PLCZ1: variants seen among roughly 807,000 people sequenced by gnomAD.
PLCZ1 encodes the protein phospholipase C zeta 1, also known as 1-phosphatidylinositol 4,5-bisphosphate phosphodiesterase zeta-1.
In PLCZ1, 64 loss-of-function variants were observed where a neutral mutation model predicts 76.8. The observed-to-expected ratio is 0.83, with a 90% CI of 0.68 to 1.03. PLCZ1 has a LOEUF of 1.03. PLCZ1 is among the 50% of genes least tolerant of loss of function. PLCZ1 has a pLI of 0.00. For missense variants in PLCZ1, 751 were observed against 713.7 expected, an observed-to-expected ratio of 1.05 and a Z score of -0.60; for synonymous variants, 248 against 230.8, an observed-to-expected ratio of 1.07 and a Z score of -0.68.
chr12:18,684,296 G>C lies in PLCZ1; in HGVS notation c.1592-17C>G. On this transcript the variant is annotated splice_polypyrimidine_tract_variant and intron_variant, in intron 13 of 14. Coordinates refer to ENST00000266505, the MANE Select transcript of PLCZ1 (RefSeq NM_033123.4). ...GACTAAAAGCTGAAATATAAAAAAAGAAGATACAAAGAATAATAGATACCA... is the reference window on the plus strand; with the variant it reads ...GACTAAAAGCTGAAATATAAAAAAACAAGATACAAAGAATAATAGATACCA... 6.3e-7 allele frequency: 1 copy of C among 1,588,418 alleles called. No individual in the cohort carries two copies.
chr12:18,672,156 T>C, the PLCZ1 span, among the ~76,000 whole-genome samples: 1 of 152,192 alleles, frequency 6.6e-6, no homozygotes, highest in Non-Finnish European at 1.5e-5. Flanking sequence ...TGGATCATGT[T>C]TTATGGCTTT....
intron 6 of PLCZ1, among the ~76,000 whole-genome samples, chr12:18,705,931 T>C (rs145223980): frequency 0.014 from 2,016 of 145,200 alleles, 61 homozygotes; most frequent in African/African-American, 0.05. Context: ...TATAGACCAA[T>C]TAAGAAGAAG....
chr12:18,709,456 C>A (rs1252413678), intron 6 of PLCZ1, among the ~76,000 whole-genome samples: 12 of 152,082 alleles, frequency 7.9e-5, no homozygotes, highest in Non-Finnish European at 1.5e-5. Flanking sequence ...AGTGTGATGC[C>A]TCCAACTTTG....
the PLCZ1 span, among the ~76,000 whole-genome samples, chr12:18,664,828 C>T: frequency 0.39 from 58,755 of 150,276 alleles, 13,576 homozygotes; most frequent in South Asian, 0.59. Flanking sequence ...TATGCAGCCA[C>T]AAAAAATGAT....
intron 13 of PLCZ1, among the ~76,000 whole-genome samples, chr12:18,686,566 A>G (rs1169391285): frequency 6.6e-6 from 1 of 152,048 alleles, no homozygotes; most frequent in East Asian, 1.9e-4. Context: ...TAAGACTTAT[A>G]TTATGGCTTC....
chr12:18,697,442 C>T (rs1290479653), intron 10 of PLCZ1, among the ~76,000 whole-genome samples: 1 of 152,138 alleles, frequency 6.6e-6, no homozygotes, highest in Non-Finnish European at 1.5e-5. Context: ...AACACATACT[C>T]TTCTGAGTCT....
the PLCZ1 span, among the ~76,000 whole-genome samples, chr12:18,647,248 GT>G: frequency 6.6e-6 from 1 of 152,006 alleles, no homozygotes; most frequent in Non-Finnish European, 1.5e-5. Context: ...AAATTGGTCT[GT>G]TTCATGGCCA....
At chr12:18,651,644 C>T in the PLCZ1 span, among the ~76,000 whole-genome samples, 2 of 152,246 alleles carry the variant, frequency 1.3e-5, no homozygotes, top group East Asian at 3.9e-4. Context: ...AGTCTAGGTA[C>T]CTAAGGACCT....
intron 5 of PLCZ1, chr12:18,713,608 G>A (rs1221726014): frequency 6.6e-6 from 1 of 152,386 alleles, no homozygotes; most frequent in Non-Finnish European, 1.5e-5. Flanking sequence ...TTAACATAAG[G>A]CCATCTCTAA....
chr12:18,676,161 C>T, the PLCZ1 span, among the ~76,000 whole-genome samples: 1 of 152,040 alleles, frequency 6.6e-6, no homozygotes, highest in Non-Finnish European at 1.5e-5. Flanking sequence ...AGAAAATGGA[C>T]CCAAAACTGA....
the PLCZ1 span, among the ~76,000 whole-genome samples, chr12:18,662,671 A>C: frequency 1.3e-5 from 2 of 152,260 alleles, no homozygotes; most frequent in East Asian, 3.9e-4. Flanking sequence ...ATCTGGACCC[A>C]CAATGTGGAA....
rs1444213575 is a variant in PLCZ1 at position 18,715,180 on chromosome 12, G to GC, written c.570-2195_570-2194insG. On this transcript the variant is annotated intron_variant, in intron 5 of 14. Transcript: ENST00000266505. ...GAGAGAAAGGCGGTGGGGGGGGGGG[G>GC]GGCGGAGGGAGGGAGAGAGAGAGAG... Among the ~76,000 whole-genome samples, 4 of 15,872 alleles carry GC rather than the reference G, an allele frequency of 2.5e-4. 1 individual carries two copies. The highest frequency in any genetic ancestry group is 7.9e-4 in the Non-Finnish European group (3 of 3,786). The allele number at this position is 15,872 out of a possible 152,430, so 10.4% of individuals were successfully genotyped here.
intron 4 of PLCZ1, among the ~76,000 whole-genome samples, chr12:18,722,643 A>T (rs1244974994): frequency 6.6e-6 from 1 of 152,046 alleles, no homozygotes; most frequent in African/African-American, 2.4e-5. Context: ...TTTTATTTCA[A>T]AATGAACATA....
chr12:18,713,225 A>G (rs1158836216), intron 5 of PLCZ1, among the ~76,000 whole-genome samples: 1 of 151,920 alleles, frequency 6.6e-6, no homozygotes, highest in Non-Finnish European at 1.5e-5. Flanking sequence ...CAAATGTTTT[A>G]CTCTTCCGTG....
intron 9 of PLCZ1, among the ~76,000 whole-genome samples, chr12:18,701,239 C>T (rs1955868571): frequency 6.6e-6 from 1 of 152,048 alleles, no homozygotes; most frequent in African/African-American, 2.4e-5. Flanking sequence ...CCCACCTCAG[C>T]CTCCCAAAGT....
At chr12:18,706,917 G>C (rs968602201) in intron 6 of PLCZ1, among the ~76,000 whole-genome samples, 4 of 152,190 alleles carry the variant, frequency 2.6e-5, no homozygotes, top group African/African-American at 9.7e-5. Flanking sequence ...TCAAGGTGTT[G>C]GTAAGGCTGC....
In PLCZ1 at chr12:18,705,220, C is replaced by G; in HGVS notation, c.810G>C (p.Glu270Asp). 6.2e-7 allele frequency: 1 copy of G among 1,614,022 alleles called. No homozygotes were observed. Among genetic ancestry groups the G allele is most frequent in the Non-Finnish European group, 8.5e-7 (1 of 1,180,000 alleles). ...CATCAAGCATATCAGAAAGCAAGGA[C>G]TCTCCAAAAGTAGCCTGCAAATTGT... is the stretch of plus-strand genomic sequence containing the variant. ...MADNLQATFG[E>D]SLLSDMLDDF... The change falls in exon 7 of 15, where the codon GAG (glutamate) becomes GAC (aspartate). Residue 270 changes from glutamate to aspartate, a missense_variant. Glu to Asp is a conservative substitution (Grantham distance 45, BLOSUM62 2). Transcript: ENST00000266505.
At chr12:18,648,626 A>T in the PLCZ1 span, among the ~76,000 whole-genome samples, 4 of 152,086 alleles carry the variant, frequency 2.6e-5, no homozygotes, top group Admixed American at 2.0e-4. Context: ...CCACCAATCA[A>T]TTCATTGTCA....
chr12:18,719,430 C>T lies in PLCZ1; in HGVS notation c.569+1G>A, dbSNP rs745455459. The T allele has an allele frequency of 3.4e-6, 5 of 1,450,780 alleles. No individual in the cohort carries two copies. Among genetic ancestry groups the T allele is most frequent in the Non-Finnish European group, 4.6e-6 (5 of 1,083,564 alleles). The allele number at this position is 1,450,780 out of a possible 1,614,324, so 89.9% of individuals were successfully genotyped here. The stretch of plus-strand genomic sequence containing the variant: ...AATAGATTTAAAAATAAAATAAATA[C>T]CTTACATATCCCCAAAGGTCACTTG... On this transcript the variant is annotated splice_donor_variant, in intron 5 of 14. Coordinates refer to ENST00000266505, the MANE Select transcript of PLCZ1 (RefSeq NM_033123.4). LOFTEE classifies it high-confidence loss of function.
Sources: gnomAD v4.1 joint callset for allele counts (sites outside exome capture counted in the v4.1 genomes callset) on GRCh38, gnomAD v4.1.1 for gene constraint, MANE v1.5 for transcripts, NCBI Gene and HGNC (gene_info 2026-07-23, HGNC 2026-07-21) for gene names.